The following PLCB1 variants were observed in gnomAD, a reference collection of about 807,000 sequenced individuals.
PLCB1 encodes the protein 1-phosphatidylinositol 4,5-bisphosphate phosphodiesterase beta-1.
A neutral mutation model predicts 161.8 loss-of-function variants in PLCB1; 46 were observed. The ratio of observed to expected loss-of-function variants is 0.28; its 90% CI spans 0.22 to 0.36. The LOEUF (loss-of-function observed/expected upper bound fraction) is 0.36. Among genes scored for constraint, PLCB1 ranks in the 10% least tolerant of loss-of-function variants. The pLI, the probability that PLCB1 is intolerant of heterozygous loss-of-function variation, is 1.00. For synonymous variants in PLCB1, 517 were observed against 503.7 expected (o/e 1.03, Z -0.35); for missense variants, 1,016 against 1,472.5 (o/e 0.69, Z 5.07).
intron 1 of PLCB1, among the ~76,000 whole-genome samples, chr20:8,141,452 C>T (rs1352043861): frequency 7.9e-5 from 12 of 151,986 alleles, no homozygotes; most frequent in Admixed American, 2.0e-4. Flanking sequence ...GATGAAACCC[C>T]GTCTCTACTA....
intron 3 of PLCB1, among the ~76,000 whole-genome samples, chr20:8,396,724 G>A (rs1013895644): frequency 1.3e-5 from 2 of 151,864 alleles, no homozygotes; most frequent in African/African-American, 2.4e-5. Flanking sequence ...ATACACAATC[G>A]TCTGTTTATT....
intron 19 of PLCB1, among the ~76,000 whole-genome samples, chr20:8,733,724 G>A (rs1306100602): frequency 6.7e-6 from 1 of 150,050 alleles, no homozygotes; most frequent in East Asian, 2.0e-4. Context: ...CACCAGCATG[G>A]CACATGTATA....
At chr20:8,723,345 G>A (rs1445378788) in intron 15 of PLCB1, among the ~76,000 whole-genome samples, 5 of 152,036 alleles carry the variant, frequency 3.3e-5, no homozygotes, top group Admixed American at 1.3e-4. Flanking sequence ...TTACTAATTG[G>A]ATAGTCCATT....
At chr20:8,682,947 C>T (rs1990258090) in intron 9 of PLCB1, among the ~76,000 whole-genome samples, 2 of 151,916 alleles carry the variant, frequency 1.3e-5, no homozygotes. Flanking sequence ...GCAGTCAATG[C>T]AATGTCATTT....
At chr20:8,810,316 C>T (rs1984750334) in intron 31 of PLCB1, among the ~76,000 whole-genome samples, 1 of 152,114 alleles carries the variant, frequency 6.6e-6, no homozygotes, top group African/African-American at 2.4e-5. Context: ...CTCACAGTTT[C>T]CTGCCCTGGC....
At chr20:8,450,071 C>T (rs952653889) in intron 3 of PLCB1, among the ~76,000 whole-genome samples, 2 of 152,174 alleles carry the variant, frequency 1.3e-5, no homozygotes, top group Non-Finnish European at 2.9e-5. Flanking sequence ...CTCTACCACA[C>T]ATTAGCATGA....
chr20:8,419,065 A>C (rs541206459), intron 3 of PLCB1, among the ~76,000 whole-genome samples: 1 of 152,368 alleles, frequency 6.6e-6, no homozygotes, highest in South Asian at 2.1e-4. Flanking sequence ...GTTCCTGATC[A>C]TGTGGAAAAT....
At chr20:8,394,527 T>G (rs1168783114) in intron 3 of PLCB1, among the ~76,000 whole-genome samples, 1 of 152,126 alleles carries the variant, frequency 6.6e-6, no homozygotes, top group Non-Finnish European at 1.5e-5. Flanking sequence ...CCACCAGTAT[T>G]ACTCATGTGG....
chr20:8,514,786 T>C (rs914000214), intron 3 of PLCB1, among the ~76,000 whole-genome samples: 6 of 152,198 alleles, frequency 3.9e-5, no homozygotes, highest in African/African-American at 1.4e-4. Context: ...AATATTCTTA[T>C]ATTATTATTT....
At chr20:8,568,924 C>T (rs1285725075) in intron 3 of PLCB1, among the ~76,000 whole-genome samples, 2 of 152,152 alleles carry the variant, frequency 1.3e-5, no homozygotes, top group Non-Finnish European at 2.9e-5. Flanking sequence ...AAGCAGGTTA[C>T]TATTGTGGAC....
chr20:8,434,520 A>C (rs1980211752), intron 3 of PLCB1, among the ~76,000 whole-genome samples: 1 of 152,356 alleles, frequency 6.6e-6, no homozygotes, highest in South Asian at 2.1e-4. Flanking sequence ...TATTTATTCT[A>C]TCAATTACTG....
intron 3 of PLCB1, among the ~76,000 whole-genome samples, chr20:8,518,648 G>A (rs1344009324): frequency 6.6e-6 from 1 of 152,084 alleles, no homozygotes; most frequent in East Asian, 1.9e-4. Context: ...CCAGAGATGG[G>A]TTTCATGAAA....
chr20:8,628,580 A>C (rs1988429771), intron 4 of PLCB1, 149 bp downstream of exon 4: 2 of 712,328 alleles, frequency 2.8e-6, no homozygotes, highest in East Asian at 2.6e-5. Flanking sequence ...GTATAAGTGC[A>C]ATTAAAATAC....
chr20:8,745,815 G>A (rs796326478), intron 23 of PLCB1, among the ~76,000 whole-genome samples: 7 of 152,124 alleles, frequency 4.6e-5, no homozygotes, highest in Non-Finnish European at 2.9e-5. Context: ...AAAAAGTCAC[G>A]TAGAAAAATA....
At chr20:8,342,425 A>G (rs1985841410) in intron 2 of PLCB1, among the ~76,000 whole-genome samples, 1 of 152,204 alleles carries the variant, frequency 6.6e-6, no homozygotes, top group Non-Finnish European at 1.5e-5. Flanking sequence ...TTGACTTTCC[A>G]CTTAATCATT....
intron 14 of PLCB1, among the ~76,000 whole-genome samples, chr20:8,719,695 T>G (rs149186962): frequency 3.0e-4 from 46 of 152,276 alleles, no homozygotes; most frequent in African/African-American, 1.1e-3. Flanking sequence ...TAGAGATTGG[T>G]TATATTTTGT....
At chr20:8,266,773 T>C (rs1343260421) in intron 2 of PLCB1, among the ~76,000 whole-genome samples, 1 of 151,926 alleles carries the variant, frequency 6.6e-6, no homozygotes. Flanking sequence ...GTGCAGTGGC[T>C]CACGCCTGTA....
chr20:8,383,696 C>T (rs1451107699), intron 3 of PLCB1, among the ~76,000 whole-genome samples: 2 of 152,198 alleles, frequency 1.3e-5, no homozygotes, highest in Admixed American at 6.5e-5. Flanking sequence ...GTGCTTCCTT[C>T]AGGAGCTCTT....
At chr20:8,228,766 T>G (rs1305522761) in intron 2 of PLCB1, among the ~76,000 whole-genome samples, 2 of 152,156 alleles carry the variant, frequency 1.3e-5, no homozygotes, top group East Asian at 3.9e-4. Context: ...CAGTTTTTAA[T>G]TTTTTAATTG....
Sources: allele counts gnomAD v4.1 joint callset (sites outside exome capture counted in the v4.1 genomes callset), GRCh38; gene constraint gnomAD v4.1.1; transcripts MANE v1.5; gene names NCBI Gene and HGNC (gene_info 2026-07-23, HGNC 2026-07-21).